NUP155: variants seen among roughly 807,000 people sequenced by gnomAD.
The protein encoded by NUP155 is nuclear pore complex protein Nup155.
In NUP155, 71 loss-of-function variants were observed where a neutral mutation model predicts 180.4. The ratio of observed to expected loss-of-function variants is 0.39; its 90% CI spans 0.33 to 0.48. The LOEUF is 0.48. Ranked by LOEUF, NUP155 falls within the 20% of genes least tolerant of loss-of-function variation. The probability of loss-of-function intolerance (pLI) is 0.91; values close to 1 mark genes in which losing one functional copy is unlikely to be tolerated. For missense variants in NUP155, 1,553 were observed against 1,648.9 expected, an observed-to-expected ratio of 0.94 and a Z score of 1.01; for synonymous variants, 582 against 559.5, an observed-to-expected ratio of 1.04 and a Z score of -0.57.
intron 3 of NUP155, among the ~76,000 whole-genome samples, chr5:37,359,219 A>G (rs1338493444): frequency 1.3e-5 from 2 of 150,982 alleles, no homozygotes; most frequent in Non-Finnish European, 2.9e-5. Context: ...TAATGAAAAA[A>G]TAAACAAGCA....
chr5:37,290,983 T>C lies in NUP155; in HGVS notation c.*917A>G, dbSNP rs1035733745. The stretch of plus-strand genomic sequence containing the variant: ...GTAGTCACAAGGCCAAGCAGCCAGG[T>C]AGACACTAAGGGAAAACAGTACCTC... On this transcript the variant is annotated 3_prime_UTR_variant, in exon 35 of 35. Coordinates refer to ENST00000231498, the MANE Select transcript of NUP155 (RefSeq NM_153485.3). 3.3e-5 allele frequency: 5 copies of C among 152,314 alleles called. No individual in the cohort carries two copies. The highest frequency in any genetic ancestry group is 3.4e-3 in the Middle Eastern group (1 of 294). 9.4% of individuals were successfully genotyped at this position (152,314 alleles called of 1,614,324 possible). A position where few individuals can be genotyped will look rare whatever the true frequency, so the allele number is the denominator to read the frequency against.
chr5:37,296,683 C>G (rs1391571781), intron 32 of NUP155, among the ~76,000 whole-genome samples: 1 of 128,688 alleles, frequency 7.8e-6, no homozygotes, highest in Non-Finnish European at 1.5e-5. Context: ...CAAGAATGAT[C>G]AATAAAAATA....
chr5:37,365,711 GAGA>G (rs559409140), intron 1 of NUP155, among the ~76,000 whole-genome samples: 1,427 of 33,762 alleles, frequency 0.042, 246 homozygotes, highest in Middle Eastern at 0.094. Flanking sequence ...CTGTCTCGGG[GAGA>G]AAAAAAAAAA....
In NUP155 at chr5:37,289,465, T is replaced by C. The variant is rs1742146572; in HGVS notation, c.*2435A>G. The C allele has an allele frequency of 6.6e-6, 1 of 152,224 alleles. No homozygotes were observed. The highest frequency in any genetic ancestry group is 1.5e-5 in the Non-Finnish European group (1 of 68,036). 9.4% of individuals were successfully genotyped at this position (152,224 alleles called of 1,614,324 possible). On this transcript the variant is annotated 3_prime_UTR_variant, in exon 35 of 35. Coordinates refer to ENST00000231498, the MANE Select transcript of NUP155 (RefSeq NM_153485.3). ...AATCTGTCATAACAGGCTATCCGGCTGATTGTTCTGAATGTGAAAGTTTTA... is the reference window on the plus strand; with the variant it reads ...AATCTGTCATAACAGGCTATCCGGCCGATTGTTCTGAATGTGAAAGTTTTA...
intron 30 of NUP155, chr5:37,301,164 GCC>G (rs1742844076): frequency 2.7e-6 from 1 of 368,750 alleles, no homozygotes; most frequent in Non-Finnish European, 5.2e-6. Flanking sequence ...TTGCCATGTT[GCC>G]CAGGCTGGAA....
intron 20 of NUP155, among the ~76,000 whole-genome samples, chr5:37,321,671 T>C (rs943518232): frequency 8.6e-5 from 13 of 151,818 alleles, no homozygotes; most frequent in African/African-American, 2.9e-4. Flanking sequence ...GAGCTGAGAT[T>C]GCACCACTGC....
At chr5:37,304,076 C>T (rs967699322) in intron 27 of NUP155, among the ~76,000 whole-genome samples, 1 of 151,622 alleles carries the variant, frequency 6.6e-6, no homozygotes, top group African/African-American at 2.4e-5. Context: ...GGTAAAACCC[C>T]GTCTCTACTA....
chr5:37,351,135 T>A, intron 6 of NUP155, 55 bp downstream of exon 6: 1 of 1,355,824 alleles, frequency 7.4e-7, no homozygotes, highest in Non-Finnish European at 1.1e-6. Context: ...TAAAGGCTTA[T>A]CTTTCCCTAC....
chr5:37,335,136 C>T (rs6871686), intron 12 of NUP155, among the ~76,000 whole-genome samples: 3,760 of 141,282 alleles, frequency 0.027, 151 homozygotes, highest in African/African-American at 0.096. Context: ...CCAGCCTGGA[C>T]GACAGAACAA....
At chr5:37,341,617 T>A (rs925646692) in intron 10 of NUP155, among the ~76,000 whole-genome samples, 10 of 152,180 alleles carry the variant, frequency 6.6e-5, no homozygotes, top group Non-Finnish European at 1.5e-4. Flanking sequence ...CTTGGCTCAC[T>A]GTAAGCTCCA....
chr5:37,364,320 G>T lies in NUP155; in HGVS notation c.222C>A (p.Ser74=), dbSNP rs566025158. ...DYPLQGPGLL[S]VPNLPEISSI... ...AACTGATCTCTGGAAGGTTGGGTAC[G>T]GACAGCAAACCAGGTCCTTGCAAAG... Residue 74 remains serine, a synonymous_variant, in exon 2 of 35, where the codon TCC becomes TCA. Coordinates refer to ENST00000231498, the MANE Select transcript of NUP155 (RefSeq NM_153485.3). 2 of 1,610,558 alleles carry T rather than the reference G, an allele frequency of 1.2e-6. No homozygotes were observed. The highest frequency in any genetic ancestry group is 1.3e-5 in the African/African-American group (1 of 74,822).
At position 37,337,798 on chromosome 5, in the gene NUP155, G is replaced by T; in HGVS notation, c.1347+20C>A. Reference sequence around the variant, plus strand: ...TTAAAATTATATAATAGTTTTTTCAGAATTGTCAGGATAACTTACCTGGGT... The same window carrying T: ...TTAAAATTATATAATAGTTTTTTCATAATTGTCAGGATAACTTACCTGGGT... On this transcript the variant is annotated intron_variant, in intron 12 of 34. Coordinates refer to ENST00000231498, the MANE Select transcript of NUP155 (RefSeq NM_153485.3). 6.9e-7 allele frequency: 1 copy of T among 1,450,290 alleles called. No individual in the cohort carries two copies. Among genetic ancestry groups the T allele is most frequent in the Non-Finnish European group, 9.7e-7 (1 of 1,032,334 alleles). The allele number at this position is 1,450,290 out of a possible 1,614,324, so 89.8% of individuals were successfully genotyped here. A position where few individuals can be genotyped will look rare whatever the true frequency, so the allele number is the denominator to read the frequency against.
intron 30 of NUP155, 34 bp downstream of exon 30, chr5:37,301,403 A>G (rs753745160): frequency 7.2e-7 from 1 of 1,391,466 alleles, no homozygotes; most frequent in Non-Finnish European, 1.0e-6. Flanking sequence ...TTATTAGGTA[A>G]CTACTATAAA....
chr5:37,328,525 G>T, intron 16 of NUP155, 105 bp from the exon 17 acceptor site: 2 of 837,466 alleles, frequency 2.4e-6, no homozygotes, highest in Non-Finnish European at 3.9e-6. Flanking sequence ...TTTTTTTGAG[G>T]CAGGGTCTCT....
intron 31 of NUP155, 54 bp downstream of exon 31, chr5:37,299,394 C>A: frequency 6.2e-7 from 1 of 1,606,836 alleles, no homozygotes; most frequent in Non-Finnish European, 8.5e-7. Flanking sequence ...GCTTGCATTC[C>A]TCCACCAAGT....
In NUP155 at chr5:37,303,324, A is replaced by G; in HGVS notation, c.3253T>C (p.Tyr1085His). The change falls in exon 28 of 35, where the codon TAC becomes CAC. Residue 1085 changes from tyrosine (Y) to histidine (H), a missense_variant. Coordinates refer to ENST00000231498, the MANE Select transcript of NUP155 (RefSeq NM_153485.3). Reference sequence around the variant, plus strand: ...TTACTGAAACTTCTGTTCTTCTCGTAATACCGCCAGAGTAAATCCATATAA... The same window carrying G: ...TTACTGAAACTTCTGTTCTTCTCGTGATACCGCCAGAGTAAATCCATATAA... ...VRYMDLLWRY[Y>H]EKNRSFSNAA... 1 of 1,614,170 alleles carries G rather than the reference A, an allele frequency of 6.2e-7. No homozygotes were observed. Among genetic ancestry groups the G allele is most frequent in the Non-Finnish European group, 8.5e-7 (1 of 1,179,998 alleles).
intron 25 of NUP155, among the ~76,000 whole-genome samples, chr5:37,306,117 G>C (rs75091559): frequency 6.6e-6 from 1 of 152,194 alleles, no homozygotes; most frequent in South Asian, 2.1e-4. Context: ...TTCGCCAGAT[G>C]TGGTGGCTGA....
At chr5:37,298,097 G>C (rs1190622298) in intron 32 of NUP155, among the ~76,000 whole-genome samples, 1 of 152,112 alleles carries the variant, frequency 6.6e-6, no homozygotes, top group Non-Finnish European at 1.5e-5. Flanking sequence ...AAATTAGCCA[G>C]GCGTGGTTGC....
In NUP155 at chr5:37,341,257, A is replaced by G; in HGVS notation, c.1094-15T>C. On this transcript the variant is annotated splice_polypyrimidine_tract_variant and intron_variant, in intron 10 of 34. Coordinates refer to ENST00000231498, the MANE Select transcript of NUP155 (RefSeq NM_153485.3). Reference sequence around the variant, plus strand: ...TAACCTAACACCTGAAGATGGGGTAAAATTATGCATCAGTAATAGAAAACA... The same window carrying G: ...TAACCTAACACCTGAAGATGGGGTAGAATTATGCATCAGTAATAGAAAACA... The G allele has an allele frequency of 6.2e-7, 1 of 1,611,538 alleles. No individual in the cohort carries two copies. The highest frequency in any genetic ancestry group is 8.5e-7 in the Non-Finnish European group (1 of 1,177,640).
Sources: allele counts gnomAD v4.1 joint callset (sites outside exome capture counted in the v4.1 genomes callset), GRCh38; gene constraint gnomAD v4.1.1; transcripts MANE v1.5; gene names NCBI Gene and HGNC (gene_info 2026-07-23, HGNC 2026-07-21).